Variants in PDE1C observed in about 807,000 individuals in gnomAD.
The protein encoded by PDE1C is dual specificity calcium/calmodulin-dependent 3',5'-cyclic nucleotide phosphodiesterase 1C.
In PDE1C, 62 loss-of-function variants were observed where a neutral mutation model predicts 93.1. The ratio of observed to expected loss-of-function variants is 0.67; its 90% confidence interval spans 0.54 to 0.82. The LOEUF is 0.82. Among genes scored for constraint, PDE1C ranks in the 40% least tolerant of loss-of-function variants. PDE1C has a pLI of 0.00. For missense variants in PDE1C, 742 were observed against 884.6 expected (o/e 0.84, Z 2.04); for synonymous variants, 325 against 310.1 (o/e 1.05, Z -0.50).
At chr7:32,313,469 C>T (rs1191789970) in intron 1 of PDE1C, among the ~76,000 whole-genome samples, 2 of 151,942 alleles carry the variant, frequency 1.3e-5, no homozygotes, top group African/African-American at 4.8e-5. Context: ...TTTATTGCAG[C>T]ACTATTCACA....
the PDE1C span, among the ~76,000 whole-genome samples, chr7:31,684,559 CA>C: frequency 1.3e-5 from 2 of 151,604 alleles, no homozygotes; most frequent in Non-Finnish European, 2.9e-5. Flanking sequence ...GGATCCAGTT[CA>C]AAACTCAACA....
At chr7:32,124,712 T>C (rs898802552) in intron 3 of PDE1C, among the ~76,000 whole-genome samples, 1 of 152,090 alleles carries the variant, frequency 6.6e-6, no homozygotes, top group African/African-American at 2.4e-5. Flanking sequence ...TACACCGTAT[T>C]CAAAAATTAA....
chr7:32,349,371 G>C (rs1349282147), intron 1 of PDE1C, among the ~76,000 whole-genome samples: 2 of 152,174 alleles, frequency 1.3e-5, no homozygotes, highest in Admixed American at 6.5e-5. Context: ...CAAAGACATA[G>C]ATTATGATGG....
At chr7:31,734,745 T>C in the PDE1C span, among the ~76,000 whole-genome samples, 1 of 152,192 alleles carries the variant, frequency 6.6e-6, no homozygotes, top group East Asian at 1.9e-4. Context: ...CCGGGGCACA[T>C]ATGTCCCATT....
At chr7:31,828,404 G>A (rs1789960646) in intron 11 of PDE1C, 31 bp from the exon 12 acceptor site, 1 of 1,574,128 alleles carries the variant, frequency 6.4e-7, no homozygotes, top group African/African-American at 1.3e-5. Flanking sequence ...AGTAAATTAA[G>A]GAACAGTAGG....
At chr7:31,988,205 G>T (rs1422445476) in intron 2 of PDE1C, among the ~76,000 whole-genome samples, 1 of 152,182 alleles carries the variant, frequency 6.6e-6, no homozygotes, top group African/African-American at 2.4e-5. Flanking sequence ...ACCCCCTGCT[G>T]TTGCCAGTCT....
chr7:32,177,131 C>A (rs900425953), intron 2 of PDE1C, among the ~76,000 whole-genome samples: 7 of 152,126 alleles, frequency 4.6e-5, no homozygotes, highest in Non-Finnish European at 1.0e-4. Context: ...CTGCCGTGTG[C>A]GGAGAAAAAA....
At chr7:32,363,982 G>A (rs1007597003) in intron 1 of PDE1C, among the ~76,000 whole-genome samples, 4 of 152,156 alleles carry the variant, frequency 2.6e-5, no homozygotes, top group Non-Finnish European at 5.9e-5. Flanking sequence ...ATAAATGGAG[G>A]AACTGAGGTA....
At chr7:31,824,302 C>A (rs1409789125) in intron 13 of PDE1C, among the ~76,000 whole-genome samples, 1 of 152,036 alleles carries the variant, frequency 6.6e-6, no homozygotes, top group Admixed American at 6.6e-5. Flanking sequence ...TTCGTCTTCC[C>A]AGTCACCTCT....
intron 3 of PDE1C, among the ~76,000 whole-genome samples, chr7:32,150,014 C>A (rs980949763): frequency 6.6e-6 from 1 of 152,108 alleles, no homozygotes; most frequent in South Asian, 2.1e-4. Flanking sequence ...GATCTAAGTT[C>A]CTGGGTGGGT....
chr7:31,930,328 G>T (rs1384557071), intron 2 of PDE1C, among the ~76,000 whole-genome samples: 2 of 152,082 alleles, frequency 1.3e-5, no homozygotes, highest in African/African-American at 2.4e-5. Context: ...TCCACCAGAG[G>T]TACAAAGAGG....
the PDE1C span, among the ~76,000 whole-genome samples, chr7:31,714,287 G>A: frequency 6.6e-6 from 1 of 152,122 alleles, no homozygotes; most frequent in Non-Finnish European, 1.5e-5. Context: ...CATAACAAGA[G>A]TCACCTTTCC....
intron 1 of PDE1C, among the ~76,000 whole-genome samples, chr7:32,357,190 C>T (rs1208765105): frequency 3.9e-5 from 6 of 151,986 alleles, no homozygotes; most frequent in South Asian, 4.1e-4. Context: ...AAAAATTAGC[C>T]GGGCATGGTG....
At chr7:31,963,562 C>T (rs1809390362) in intron 2 of PDE1C, among the ~76,000 whole-genome samples, 1 of 152,124 alleles carries the variant, frequency 6.6e-6, no homozygotes, top group South Asian at 2.1e-4. Context: ...TTCTCCCAAT[C>T]ATATTATTGC....
the PDE1C span, among the ~76,000 whole-genome samples, chr7:31,702,014 A>C: frequency 6.6e-6 from 1 of 152,172 alleles, no homozygotes; most frequent in Non-Finnish European, 1.5e-5. Context: ...GCCTGTAATA[A>C]AATTTTTTAG....
At chr7:32,240,504 G>A (rs998239436) in intron 1 of PDE1C, among the ~76,000 whole-genome samples, 1 of 152,170 alleles carries the variant, frequency 6.6e-6, no homozygotes. Context: ...AGGGTATAGA[G>A]AGGAGGAAAG....
chr7:31,891,263 T>G (rs1798600425), intron 2 of PDE1C, among the ~76,000 whole-genome samples: 1 of 152,128 alleles, frequency 6.6e-6, no homozygotes, highest in Admixed American at 6.5e-5. Flanking sequence ...AACTACGTCT[T>G]TCCAAGAGAG....
At chr7:31,993,430 G>GT (rs919175887) in intron 2 of PDE1C, among the ~76,000 whole-genome samples, 28 of 152,300 alleles carry the variant, frequency 1.8e-4, no homozygotes, top group African/African-American at 6.7e-4. Flanking sequence ...ACAGGGAATT[G>GT]TAAGTTAGAA....
At chr7:32,198,094 G>A (rs1412133884) in intron 2 of PDE1C, among the ~76,000 whole-genome samples, 7 of 151,962 alleles carry the variant, frequency 4.6e-5, no homozygotes, top group Non-Finnish European at 8.8e-5. Context: ...TCTTCTTTCT[G>A]GATTCAACAG....
Sources: gnomAD v4.1 joint callset for allele counts (sites outside exome capture counted in the v4.1 genomes callset) on GRCh38, gnomAD v4.1.1 for gene constraint, MANE v1.5 for transcripts, NCBI Gene and HGNC (gene_info 2026-07-23, HGNC 2026-07-21) for gene names.